CLOCK: variants seen among roughly 807,000 people sequenced by gnomAD.
CLOCK encodes the protein circadian locomoter output cycles protein kaput.
In CLOCK, 43 loss-of-function variants were observed where a neutral mutation model predicts 118.4. The ratio of observed to expected loss-of-function variants is 0.36; its 90% confidence interval spans 0.28 to 0.47. CLOCK has a LOEUF of 0.47. Ranked by LOEUF, CLOCK falls within the 20% of genes least tolerant of loss-of-function variation. CLOCK has a pLI of 1.00. For synonymous variants in CLOCK, 326 were observed against 339.2 expected, an observed-to-expected ratio of 0.96 and a Z score of 0.43; for missense variants, 846 against 999.9, an observed-to-expected ratio of 0.85 and a Z score of 2.08.
chr4:55,531,620 G>A (rs910820694), intron 1 of CLOCK, among the ~76,000 whole-genome samples: 12 of 138,864 alleles, frequency 8.6e-5, no homozygotes, highest in South Asian at 2.3e-4. Flanking sequence ...CAGGAGAATC[G>A]CTTGAACCCA....
chr4:55,430,404 A>G lies in CLOCK; in HGVS notation c.*5011T>C, dbSNP rs1722421223. The G allele has an allele frequency of 6.6e-6, 1 of 152,232 alleles. No homozygotes were observed. The highest frequency in any genetic ancestry group is 2.4e-5 in the African/African-American group (1 of 41,462). 9.4% of individuals were successfully genotyped at this position (152,232 alleles called of 1,614,324 possible). The stretch of plus-strand genomic sequence containing the variant: ...TGTTATGACATAGGGGGAAAAAACT[A>G]TGCAAAACAGTCACATGGAAAGAAA... On this transcript the variant is annotated 3_prime_UTR_variant, in exon 23 of 23. Coordinates refer to ENST00000513440, the MANE Select transcript of CLOCK (RefSeq NM_004898.4).
intron 1 of CLOCK, among the ~76,000 whole-genome samples, chr4:55,526,803 C>T (rs1450291643): frequency 1.3e-5 from 2 of 151,702 alleles, no homozygotes; most frequent in Non-Finnish European, 2.9e-5. Flanking sequence ...AAAAATTAGC[C>T]GGGCAAAGTG....
rs544340590 is a variant in CLOCK at position 55,524,303 on chromosome 4, G to A, written c.-289-14238C>T. Among the ~76,000 whole-genome samples, 278 of 152,170 alleles carry A rather than the reference G, an allele frequency of 1.8e-3. 1 individual carries two copies. Among genetic ancestry groups the A allele is most frequent in the African/African-American group, 6.4e-3 (266 of 41,514 alleles). On this transcript the variant is annotated intron_variant, in intron 1 of 22. Coordinates refer to ENST00000513440, the MANE Select transcript of CLOCK (RefSeq NM_004898.4). ...TGTAATCCCAGCTACTCAGGAGGCT[G>A]AGGCAGAATTGCTTGAGCCTGGGAG... is the stretch of plus-strand genomic sequence containing the variant.
intron 1 of CLOCK, among the ~76,000 whole-genome samples, chr4:55,513,536 C>T (rs1483915840): frequency 1.3e-5 from 2 of 152,232 alleles, no homozygotes; most frequent in African/African-American, 4.8e-5. Context: ...CAATACCACA[C>T]TGCTTGATGA....
chr4:55,448,159 T>C (rs1036518790), intron 18 of CLOCK, among the ~76,000 whole-genome samples: 1 of 152,240 alleles, frequency 6.6e-6, no homozygotes, highest in African/African-American at 2.4e-5. Flanking sequence ...TATAGCATGG[T>C]ATTGTAGGCA....
At position 55,443,911 on chromosome 4, in the gene CLOCK, A is replaced by G; in HGVS notation, c.1693-15T>C. 6.2e-7 allele frequency: 1 copy of G among 1,605,986 alleles called. No individual in the cohort carries two copies. The highest frequency in any genetic ancestry group is 8.5e-7 in the Non-Finnish European group (1 of 1,175,052). On this transcript the variant is annotated splice_polypyrimidine_tract_variant and intron_variant, in intron 19 of 22. Transcript: ENST00000513440. The stretch of plus-strand genomic sequence containing the variant: ...TGCAAAAACATCTTTAAAAATAAAG[A>G]TTATGTTAAAATGAGCTTTGTAGAT...
At chr4:55,513,412 A>C (rs537639814) in intron 1 of CLOCK, among the ~76,000 whole-genome samples, 54 of 152,252 alleles carry the variant, frequency 3.5e-4, no homozygotes, top group African/African-American at 1.2e-3. Flanking sequence ...TGCATTTCTC[A>C]TCTCAGAATG....
chr4:55,540,408 G>C (rs1211042808), intron 1 of CLOCK: 1 of 151,160 alleles, frequency 6.6e-6, no homozygotes. Context: ...GGGGAGGGGA[G>C]GGGGGAATGG....
At chr4:55,541,760 A>G (rs1413415057) in intron 1 of CLOCK, among the ~76,000 whole-genome samples, 1 of 152,188 alleles carries the variant, frequency 6.6e-6, no homozygotes, top group African/African-American at 2.4e-5. Context: ...CAAATAAAAC[A>G]TCAAATGGTT....
intron 7 of CLOCK, among the ~76,000 whole-genome samples, chr4:55,472,908 C>G (rs775036240): frequency 6.6e-6 from 1 of 151,978 alleles, no homozygotes; most frequent in Admixed American, 6.6e-5. Flanking sequence ...TACAATAATG[C>G]CAGTATTATT....
chr4:55,469,171 G>A (rs1365765055), intron 8 of CLOCK, among the ~76,000 whole-genome samples: 2 of 151,556 alleles, frequency 1.3e-5, no homozygotes, highest in Non-Finnish European at 2.9e-5. Context: ...TGTTGCCCAG[G>A]CTGGAGTGCA....
chr4:55,528,112 C>A (rs749658259), intron 1 of CLOCK, among the ~76,000 whole-genome samples: 9 of 151,792 alleles, frequency 5.9e-5, no homozygotes, highest in Admixed American at 1.3e-4. Context: ...AATCCCAGCA[C>A]TTTGGGAGGC....
At chr4:55,542,227 A>T (rs929058953) in intron 1 of CLOCK, among the ~76,000 whole-genome samples, 6 of 151,552 alleles carry the variant, frequency 4.0e-5, no homozygotes, top group Non-Finnish European at 7.4e-5. Flanking sequence ...CTGTAATCCC[A>T]GCTACTCTTG....
chr4:55,503,470 C>T (rs763773370), intron 2 of CLOCK, among the ~76,000 whole-genome samples: 1 of 152,028 alleles, frequency 6.6e-6, no homozygotes, highest in Non-Finnish European at 1.5e-5. Context: ...GAAGGAGGCT[C>T]CTGGGTTGAC....
At chr4:55,545,103 T>C (rs2110134525) in intron 1 of CLOCK, among the ~76,000 whole-genome samples, 1 of 151,346 alleles carries the variant, frequency 6.6e-6, no homozygotes, top group African/African-American at 2.4e-5. Context: ...CTAGGGTACA[T>C]GTGCACAACG....
intron 1 of CLOCK, among the ~76,000 whole-genome samples, chr4:55,535,739 CTT>C (rs758384802): frequency 2.3e-4 from 29 of 124,092 alleles, no homozygotes; most frequent in South Asian, 1.6e-3. Context: ...ATGGGAGAAT[CTT>C]TTTTTTTTTT....
At chr4:55,438,082 G>A (rs1025073190) in intron 22 of CLOCK, among the ~76,000 whole-genome samples, 200 bp downstream of exon 22, 3 of 152,162 alleles carry the variant, frequency 2.0e-5, no homozygotes, top group Admixed American at 6.5e-5. Context: ...CCAATGGCAC[G>A]TCTAAAGTCT....
At chr4:55,544,162 CCAGACACA>C (rs1261647418) in intron 1 of CLOCK, among the ~76,000 whole-genome samples, 4 of 76,364 alleles carry the variant, frequency 5.2e-5, no homozygotes, top group Non-Finnish European at 1.0e-4. Flanking sequence ...TGAGAAACAA[CCAGACACA>C]CACACACACA....
chr4:55,449,820 A>T (rs1724259592), intron 16 of CLOCK, among the ~76,000 whole-genome samples: 1 of 150,996 alleles, frequency 6.6e-6, no homozygotes. Flanking sequence ...CAGTAAAAAA[A>T]CACAATAAAT....
Sources: allele counts gnomAD v4.1 joint callset (sites outside exome capture counted in the v4.1 genomes callset), GRCh38; gene constraint gnomAD v4.1.1; transcripts MANE v1.5; gene names NCBI Gene and HGNC (gene_info 2026-07-23, HGNC 2026-07-21).